IFT80: variants seen among roughly 807,000 people sequenced by gnomAD.
IFT80 encodes intraflagellar transport protein 80 homolog.
Under a neutral mutation model 107.9 loss-of-function variants are expected in IFT80, and 79 were observed. The ratio of observed to expected loss-of-function variants is 0.73; its 90% CI spans 0.61 to 0.88. The LOEUF (loss-of-function observed/expected upper bound fraction) is 0.88, where lower values mean the gene tolerates loss of function less well. Ranked by LOEUF, IFT80 falls within the 40% of genes least tolerant of loss-of-function variation. The pLI is 0.00. For missense variants in IFT80, 797 were observed against 914.2 expected (o/e 0.87, Z 1.65); for synonymous variants, 299 against 300.9 (o/e 0.99, Z 0.07).
rs758820425 is a variant in IFT80, at chr3:160,282,476, A to C, written c.1516+2T>G. Reference sequence around the variant, plus strand: ...ACTTAAAATGTATTAAAATTATTTTACCAAGCTTGATAATTTGTTCTTCCT... The same window carrying C: ...ACTTAAAATGTATTAAAATTATTTTCCCAAGCTTGATAATTTGTTCTTCCT... On this transcript the variant is annotated splice_donor_variant, in intron 14 of 19. Coordinates refer to ENST00000326448, the MANE Select transcript of IFT80 (RefSeq NM_020800.3). LOFTEE classifies it high-confidence loss of function. The C allele has an allele frequency of 3.8e-6, 6 of 1,568,520 alleles. No homozygotes were observed. In the South Asian group the frequency reaches 6.9e-5, roughly 18 times the overall value.
In IFT80 at chr3:160,298,620, T is replaced by C. The variant is rs541527925; in HGVS notation, c.1315+2263A>G. Among the ~76,000 whole-genome samples the C allele has an allele frequency of 2.1e-4, 32 of 152,302 alleles. 1 individual carries two copies. The South Asian group carries it at 6.4e-3, about 31-fold the overall frequency. On this transcript the variant is annotated intron_variant, in intron 12 of 19. Transcript: ENST00000326448. ...CAGAAAATTTCAGAATGTGTTCAGT[T>C]GGGAACACATATACTGCCATGCCTT... is the stretch of plus-strand genomic sequence containing the variant.
intron 12 of IFT80, among the ~76,000 whole-genome samples, chr3:160,286,774 C>T (rs74547289): frequency 8.8e-4 from 134 of 152,270 alleles, no homozygotes; most frequent in African/African-American, 3.1e-3. Context: ...TGCCAGGCAA[C>T]GTGTTATGTG....
At position 160,292,383 on chromosome 3, in the gene IFT80, A is replaced by G. The variant is rs561718543; in HGVS notation, c.1316-6515T>C. ...AAACAGTGGTTTTCTAAAACAGGGG[A>G]AAGTATGAAGAACTGGCTTGCATTA... On this transcript the variant is annotated intron_variant, in intron 12 of 19. Transcript: ENST00000326448. Among the ~76,000 whole-genome samples, 6 of 152,272 alleles carry G rather than the reference A, an allele frequency of 3.9e-5. No individual in the cohort carries two copies. The South Asian group carries it at 1.2e-3, about 32-fold the overall frequency.
At chr3:160,289,396 C>G (rs1345684731) in intron 12 of IFT80, among the ~76,000 whole-genome samples, 1 of 152,104 alleles carries the variant, frequency 6.6e-6, no homozygotes, top group Non-Finnish European at 1.5e-5. Context: ...TACAACAAAC[C>G]CCTATGACAC....
chr3:160,334,168 C>A (rs1297146304), intron 8 of IFT80, among the ~76,000 whole-genome samples: 1 of 152,106 alleles, frequency 6.6e-6, no homozygotes, highest in Admixed American at 6.6e-5. Context: ...TTAAAAATTA[C>A]TGTTAATTGT....
intron 9 of IFT80, among the ~76,000 whole-genome samples, chr3:160,318,397 A>T (rs1029154133): frequency 7.2e-5 from 11 of 152,120 alleles, no homozygotes; most frequent in Non-Finnish European, 1.6e-4. Context: ...ATGAATTATG[A>T]ATACTGAAGA....
intron 12 of IFT80, among the ~76,000 whole-genome samples, chr3:160,290,942 G>A (rs913615278): frequency 3.3e-5 from 5 of 152,038 alleles, no homozygotes; most frequent in African/African-American, 7.2e-5. Flanking sequence ...ACTGGAGAGC[G>A]TTTCCTCTAT....
intron 10 of IFT80, 141 bp from the exon 11 acceptor site, chr3:160,304,130 A>T: frequency 1.5e-6 from 1 of 661,752 alleles, no homozygotes; most frequent in Non-Finnish European, 2.7e-6. Flanking sequence ...CACTTGGTGC[A>T]TTGTTCTGAA....
chr3:160,348,181 C>A (rs1387946236), intron 8 of IFT80, among the ~76,000 whole-genome samples: 1 of 151,762 alleles, frequency 6.6e-6, no homozygotes, highest in Non-Finnish European at 1.5e-5. Flanking sequence ...TTTTTATTGG[C>A]CATTTACATT....
At position 160,368,359 on chromosome 3, in the gene IFT80, CAAAA is replaced by C. The variant is rs56031662; in HGVS notation, c.440-2211_440-2208del. Among the ~76,000 whole-genome samples, 40 of 90,618 alleles carry C rather than the reference CAAAA, an allele frequency of 4.4e-4. No individual in the cohort carries two copies. In the East Asian group the frequency reaches 0.013, roughly 29 times the overall value. 59.4% of individuals were successfully genotyped at this position (90,618 alleles called of 152,430 possible). On this transcript the variant is annotated intron_variant, in intron 5 of 19. Coordinates refer to ENST00000326448, the MANE Select transcript of IFT80 (RefSeq NM_020800.3). ...TAGAAAGTCTAATCTAGACCCAGTC[CAAAA>C]AAAAAAAAAAAAAAAACCCTGAAAC...
chr3:160,342,209 T>C (rs1270637755), intron 8 of IFT80, among the ~76,000 whole-genome samples: 2 of 152,172 alleles, frequency 1.3e-5, no homozygotes, highest in Non-Finnish European at 2.9e-5. Flanking sequence ...ATTTTGTAGA[T>C]GAGAAATGTA....
intron 6 of IFT80, among the ~76,000 whole-genome samples, chr3:160,358,720 A>T (rs1373230033): frequency 6.6e-6 from 1 of 152,230 alleles, no homozygotes; most frequent in Non-Finnish European, 1.5e-5. Context: ...TTTATGAATA[A>T]AATATGATTT....
chr3:160,371,469 T>A (rs1192375767), intron 5 of IFT80, among the ~76,000 whole-genome samples: 1 of 152,134 alleles, frequency 6.6e-6, no homozygotes, highest in Admixed American at 6.5e-5. Context: ...TGAGAAAGGG[T>A]CTTACTCTGG....
chr3:160,320,516 A>G (rs1299650062), intron 8 of IFT80, among the ~76,000 whole-genome samples: 1 of 151,908 alleles, frequency 6.6e-6, no homozygotes, highest in Admixed American at 6.6e-5. Context: ...GATATCAATA[A>G]GCATTAAATA....
intron 1 of IFT80, among the ~76,000 whole-genome samples, chr3:160,388,982 C>T (rs1713153280): frequency 6.6e-6 from 1 of 152,246 alleles, no homozygotes; most frequent in African/African-American, 2.4e-5. Context: ...GTTCTGTCAA[C>T]ACCTTGATAT....
In IFT80 at chr3:160,383,929, A is replaced by C. The variant is rs187355436; in HGVS notation, c.37+635T>G. The C allele has an allele frequency of 1.4e-4, 135 of 985,454 alleles. No homozygotes were observed. In the African/African-American group the frequency reaches 2.1e-3, roughly 15 times the overall value. 61.0% of individuals were successfully genotyped at this position (985,454 alleles called of 1,614,324 possible). A position where few individuals can be genotyped will look rare whatever the true frequency, so the allele number is the denominator to read the frequency against. On this transcript the variant is annotated intron_variant, in intron 2 of 19. Coordinates refer to ENST00000326448, the MANE Select transcript of IFT80 (RefSeq NM_020800.3). ...GAATACATGCTAGATCACACTAGCA[A>C]AGAAACAGTTTGGTTTAAAAAATGC...
In IFT80 at chr3:160,305,594, T is replaced by C. The variant is rs939847071; in HGVS notation, c.1077-1605A>G. Among the ~76,000 whole-genome samples, 7 of 152,096 alleles carry C rather than the reference T, an allele frequency of 4.6e-5. No individual in the cohort carries two copies. In the East Asian group the frequency reaches 1.2e-3, roughly 25 times the overall value. On this transcript the variant is annotated intron_variant, in intron 10 of 19. Coordinates refer to ENST00000326448, the MANE Select transcript of IFT80 (RefSeq NM_020800.3). Reference sequence around the variant, plus strand: ...TGAGATTTCTGACAACTGAGAGATATATAAATGCCATGGAAACATAAACTC... The same window carrying C: ...TGAGATTTCTGACAACTGAGAGATACATAAATGCCATGGAAACATAAACTC...
chr3:160,293,121 A>G (rs1293120978), intron 12 of IFT80, among the ~76,000 whole-genome samples: 1 of 152,236 alleles, frequency 6.6e-6, no homozygotes, highest in Non-Finnish European at 1.5e-5. Flanking sequence ...TAAGTAAAAT[A>G]TTACATTAAT....
intron 9 of IFT80, among the ~76,000 whole-genome samples, chr3:160,314,513 T>C (rs1717649159): frequency 6.6e-6 from 1 of 152,150 alleles, no homozygotes; most frequent in South Asian, 2.1e-4. Flanking sequence ...ATAAGTCTAC[T>C]GTAGGAAAAC....
Sources: allele counts gnomAD v4.1 joint callset (sites outside exome capture counted in the v4.1 genomes callset), GRCh38; gene constraint gnomAD v4.1.1; transcripts MANE v1.5; gene names NCBI Gene and HGNC (gene_info 2026-07-23, HGNC 2026-07-21).